FBXW7: variants seen among roughly 807,000 people sequenced by gnomAD.
The protein encoded by FBXW7 is F-box and WD repeat domain containing 7.
FBXW7 carries 11 observed loss-of-function variants against 86.3 expected under a neutral mutation model. That is an observed-to-expected ratio of 0.13 (90% CI 0.08 to 0.21). The LOEUF (loss-of-function observed/expected upper bound fraction) is 0.21. Ranked by LOEUF, FBXW7 falls within the 10% of genes least tolerant of loss-of-function variation. FBXW7 has a pLI of 1.00. For synonymous variants in FBXW7, 313 were observed against 297.9 expected (o/e 1.05, Z -0.52); for missense variants, 488 against 847.4 (o/e 0.58, Z 5.27).
intron 2 of FBXW7, among the ~76,000 whole-genome samples, chr4:152,447,177 A>G (rs1262016451): frequency 6.6e-6 from 1 of 152,228 alleles, no homozygotes; most frequent in Non-Finnish European, 1.5e-5. Flanking sequence ...GGTGATTTGA[A>G]TACCACATGT....
At chr4:152,506,967 G>T (rs1747481802) in intron 2 of FBXW7, among the ~76,000 whole-genome samples, 1 of 152,214 alleles carries the variant, frequency 6.6e-6, no homozygotes, top group Admixed American at 6.5e-5. Flanking sequence ...AAACAACATG[G>T]TCTATCTAAT....
At chr4:152,382,184 C>A in intron 4 of FBXW7, 1 of 1,548,556 alleles carries the variant, frequency 6.5e-7, no homozygotes, top group Non-Finnish European at 8.7e-7. Context: ...ATGTGTGAGA[C>A]TTACCCGTCT....
At chr4:152,349,069 ACAACTGAAATAAAAACAAG>A (rs1466277375) in intron 5 of FBXW7, among the ~76,000 whole-genome samples, 2 of 152,082 alleles carry the variant, frequency 1.3e-5, no homozygotes, top group African/African-American at 4.8e-5. Context: ...AATATTTTTT[ACAACTGAAATAAAAACAAG>A]CTATTTCTCT....
intron 2 of FBXW7, among the ~76,000 whole-genome samples, chr4:152,518,315 A>C (rs1015151894): frequency 6.6e-6 from 1 of 152,006 alleles, no homozygotes; most frequent in Non-Finnish European, 1.5e-5. Flanking sequence ...TATATATTTG[A>C]AACAGGGTCT....
intron 2 of FBXW7, among the ~76,000 whole-genome samples, chr4:152,422,281 A>T (rs1235203278): frequency 6.6e-6 from 1 of 152,214 alleles, no homozygotes; most frequent in Non-Finnish European, 1.5e-5. Context: ...GAGGTATGTA[A>T]AAAGTAAATT....
intron 2 of FBXW7, among the ~76,000 whole-genome samples, chr4:152,423,273 C>T (rs1016652334): frequency 9.9e-5 from 15 of 152,096 alleles, no homozygotes; most frequent in South Asian, 2.1e-4. Flanking sequence ...TGAAGAAATG[C>T]TTCCCTTATT....
intron 6 of FBXW7, among the ~76,000 whole-genome samples, chr4:152,343,742 C>T (rs17361614): frequency 0.014 from 2,142 of 152,152 alleles, 24 homozygotes; most frequent in Middle Eastern, 0.034. Flanking sequence ...ACTCGCTTCC[C>T]TAAATTAACT....
chr4:152,358,107 A>G (rs775559697), intron 4 of FBXW7, among the ~76,000 whole-genome samples: 2 of 152,232 alleles, frequency 1.3e-5, no homozygotes, highest in African/African-American at 2.4e-5. Context: ...TTTGGAATTC[A>G]TAAGTTTCCT....
At chr4:152,331,746 A>G (rs1201086297) in intron 8 of FBXW7, among the ~76,000 whole-genome samples, 1 of 152,144 alleles carries the variant, frequency 6.6e-6, no homozygotes, top group Non-Finnish European at 1.5e-5. Context: ...ACATGTTATC[A>G]CAATTTTTAA....
At chr4:152,465,349 C>A (rs531631831) in intron 2 of FBXW7, among the ~76,000 whole-genome samples, 1 of 152,088 alleles carries the variant, frequency 6.6e-6, no homozygotes, top group Admixed American at 6.5e-5. Context: ...CTTAATTCAG[C>A]CATAAATAGG....
chr4:152,371,587 A>C (rs1734009019), intron 4 of FBXW7, among the ~76,000 whole-genome samples: 2 of 152,032 alleles, frequency 1.3e-5, no homozygotes, highest in South Asian at 4.1e-4. Context: ...ACATATGAAA[A>C]AACTATAATA....
chr4:152,507,601 TA>T (rs1747545696), intron 2 of FBXW7, among the ~76,000 whole-genome samples: 1 of 152,116 alleles, frequency 6.6e-6, no homozygotes, highest in Admixed American at 6.5e-5. Context: ...CAAAGACTTT[TA>T]AAAAGATGGT....
intron 6 of FBXW7, among the ~76,000 whole-genome samples, chr4:152,340,294 T>C (rs1200429325): frequency 1.3e-5 from 2 of 152,112 alleles, no homozygotes; most frequent in African/African-American, 2.4e-5. Context: ...ATACCACTGA[T>C]AGGCCCGGTG....
intron 10 of FBXW7, chr4:152,328,861 C>CA (rs1729300484): frequency 6.6e-6 from 1 of 152,168 alleles, no homozygotes; most frequent in African/African-American, 2.4e-5. Context: ...CAAGTAAAGA[C>CA]AGACATTAAA....
intron 6 of FBXW7, among the ~76,000 whole-genome samples, chr4:152,346,499 T>C (rs993182122): frequency 1.3e-5 from 2 of 152,228 alleles, no homozygotes; most frequent in Non-Finnish European, 2.9e-5. Context: ...TTGAGTTCCC[T>C]TGTTTTTAAT....
intron 2 of FBXW7, among the ~76,000 whole-genome samples, chr4:152,416,847 G>C (rs536709173): frequency 2.0e-5 from 3 of 151,994 alleles, no homozygotes; most frequent in African/African-American, 2.4e-5. Flanking sequence ...TTTTGTTTTG[G>C]CTAAATTTAA....
At chr4:152,530,012 C>T (rs772559387) in intron 2 of FBXW7, among the ~76,000 whole-genome samples, 29 of 148,624 alleles carry the variant, frequency 2.0e-4, no homozygotes, top group Non-Finnish European at 3.3e-4. Flanking sequence ...GCTGAGATCA[C>T]ACCACAGCAC....
At chr4:152,354,714 T>A (rs1387023661) in intron 4 of FBXW7, among the ~76,000 whole-genome samples, 1 of 152,144 alleles carries the variant, frequency 6.6e-6, no homozygotes, top group Non-Finnish European at 1.5e-5. Context: ...CCCATGGTTA[T>A]ATGGCTCCTA....
Position 152,536,020 on chromosome 4 carries a change from G to GCAGCGGCAGCGC in FBXW7, c.-1118_-1107dup, listed in dbSNP as rs1413605447. On this transcript the variant is annotated 5_prime_UTR_variant, in exon 1 of 14. Transcript: ENST00000281708. Reference sequence around the variant, plus strand: ...CTCAGCGGCGGCGGCGGCGGCAGCGGCAGCGGCAGCGCCCGGAGCTCAGCT... The same window carrying GCAGCGGCAGCGC: ...CTCAGCGGCGGCGGCGGCGGCAGCGGCAGCGGCAGCGCCAGCGGCAGCGCCCGGAGCTCAGCT... The GCAGCGGCAGCGC allele has an allele frequency of 4.5e-6, 1 of 223,298 alleles. No homozygotes were observed. Among genetic ancestry groups the GCAGCGGCAGCGC allele is most frequent in the East Asian group, 1.1e-4 (1 of 9,520 alleles). The allele number at this position is 223,298 out of a possible 1,614,324, so 13.8% of individuals were successfully genotyped here. A position where few individuals can be genotyped will look rare whatever the true frequency, so the allele number is the denominator to read the frequency against.
Sources: gnomAD v4.1 joint callset for allele counts (sites outside exome capture counted in the v4.1 genomes callset) on GRCh38, gnomAD v4.1.1 for gene constraint, MANE v1.5 for transcripts, NCBI Gene and HGNC (gene_info 2026-07-23, HGNC 2026-07-21) for gene names.